Variants in SUGCT observed in about 807,000 individuals in gnomAD.
The protein encoded by SUGCT is succinyl-CoA:glutarate-CoA transferase.
In SUGCT, 41 loss-of-function variants were observed where a neutral mutation model predicts 55.0. The observed-to-expected ratio is 0.74, with a 90% CI of 0.58 to 0.97. The LOEUF is 0.97. Ranked by LOEUF, SUGCT falls within the 50% of genes least tolerant of loss-of-function variation. The pLI is 0.00. For synonymous variants in SUGCT, 187 were observed against 200.4 expected (o/e 0.93, Z 0.56); for missense variants, 568 against 547.8 (o/e 1.04, Z -0.37).
At chr7:40,821,354 C>T (rs373772514) in intron 13 of SUGCT, among the ~76,000 whole-genome samples, 39 of 152,180 alleles carry the variant, frequency 2.6e-4, no homozygotes, top group Admixed American at 2.0e-3. Flanking sequence ...AGCTCCTCCT[C>T]GTACCTCTGG....
At chr7:40,575,801 C>A (rs111624005) in intron 12 of SUGCT, among the ~76,000 whole-genome samples, 3,691 of 151,688 alleles carry the variant, frequency 0.024, 55 homozygotes, top group Non-Finnish European at 0.037. Context: ...CAGAATTAGC[C>A]GGGTGTGGTG....
the SUGCT span, among the ~76,000 whole-genome samples, chr7:40,919,821 A>G: frequency 6.6e-6 from 1 of 152,186 alleles, no homozygotes; most frequent in Non-Finnish European, 1.5e-5. Context: ...ACAAAGTCCT[A>G]CATGTTCAGA....
the SUGCT span, among the ~76,000 whole-genome samples, chr7:40,907,597 T>G: frequency 6.6e-6 from 1 of 152,186 alleles, no homozygotes; most frequent in Non-Finnish European, 1.5e-5. Flanking sequence ...TCTTCCCATT[T>G]CACAGCTGAA....
chr7:40,647,822 G>GA (rs761976770), intron 12 of SUGCT, among the ~76,000 whole-genome samples: 527 of 131,034 alleles, frequency 4.0e-3, no homozygotes, highest in Middle Eastern at 8.1e-3. Flanking sequence ...CTGCACTCCA[G>GA]AAAAAAAAAA....
intron 12 of SUGCT, among the ~76,000 whole-genome samples, chr7:40,670,151 A>T (rs1801859971): frequency 7.1e-6 from 1 of 141,430 alleles, no homozygotes; most frequent in African/African-American, 2.7e-5. Flanking sequence ...AGCCTGGGTG[A>T]CACAGGAGAC....
At chr7:40,154,340 G>C (rs1783777344) in intron 1 of SUGCT, among the ~76,000 whole-genome samples, 5 of 152,120 alleles carry the variant, frequency 3.3e-5, no homozygotes, top group African/African-American at 1.2e-4. Context: ...TAATGGGATT[G>C]AAAAAGTCTT....
At chr7:40,725,205 C>T (rs893232256) in intron 12 of SUGCT, among the ~76,000 whole-genome samples, 1 of 152,168 alleles carries the variant, frequency 6.6e-6, no homozygotes, top group Non-Finnish European at 1.5e-5. Flanking sequence ...ATCAGCATCA[C>T]CTGTAGTCTC....
chr7:40,353,613 A>G (rs1797745745), intron 9 of SUGCT, among the ~76,000 whole-genome samples: 2 of 152,290 alleles, frequency 1.3e-5, no homozygotes, highest in South Asian at 4.1e-4. Flanking sequence ...TGTGCTTTAC[A>G]TCTCATTTTA....
intron 12 of SUGCT, among the ~76,000 whole-genome samples, chr7:40,707,505 A>G (rs1461157054): frequency 6.6e-6 from 1 of 152,206 alleles, no homozygotes. Flanking sequence ...TCTGGGAAAC[A>G]AATCATGGAG....
intron 9 of SUGCT, among the ~76,000 whole-genome samples, chr7:40,442,970 G>A (rs972716289): frequency 6.6e-5 from 10 of 152,134 alleles, no homozygotes; most frequent in African/African-American, 2.4e-4. Flanking sequence ...AGAACATGCA[G>A]TGTTTGGTTT....
intron 7 of SUGCT, among the ~76,000 whole-genome samples, chr7:40,239,128 G>C (rs1294459894): frequency 6.6e-6 from 1 of 151,888 alleles, no homozygotes; most frequent in African/African-American, 2.4e-5. Flanking sequence ...TTTGAGACAG[G>C]GTCTCCAGGC....
chr7:40,392,490 G>A (rs962889437), intron 9 of SUGCT, among the ~76,000 whole-genome samples: 15 of 152,020 alleles, frequency 9.9e-5, no homozygotes, highest in Non-Finnish European at 1.9e-4. Context: ...CAGGTAGAGG[G>A]TTCGGAAAGC....
At position 40,181,939 on chromosome 7, in the gene SUGCT, A is replaced by G; in HGVS notation, c.153-16A>G. 1 of 1,475,966 alleles carries G rather than the reference A, an allele frequency of 6.8e-7. No individual in the cohort carries two copies. Among genetic ancestry groups the G allele is most frequent in the Non-Finnish European group, 9.3e-7 (1 of 1,080,890 alleles). The allele number at this position is 1,475,966 out of a possible 1,614,324, so 91.4% of individuals were successfully genotyped here. On this transcript the variant is annotated splice_polypyrimidine_tract_variant and intron_variant, in intron 2 of 13. Coordinates refer to ENST00000335693, the MANE Select transcript of SUGCT (RefSeq NM_001193313.2). ...CAAGATGGTAATTAATTTATTTATC[A>G]TTTTTAACATTGTAGAGTCCTGGCG...
chr7:41,025,218 G>T, the SUGCT span, among the ~76,000 whole-genome samples: 14 of 152,186 alleles, frequency 9.2e-5, no homozygotes, highest in Non-Finnish European at 1.9e-4. Context: ...TCCAATATAT[G>T]TGCAATAATT....
chr7:40,338,536 G>A (rs563746529), intron 9 of SUGCT, among the ~76,000 whole-genome samples: 33 of 152,204 alleles, frequency 2.2e-4, no homozygotes, highest in South Asian at 6.2e-4. Flanking sequence ...CCAGTGGATC[G>A]AATCGGCTGC....
At chr7:40,430,609 A>G (rs1448764814) in intron 9 of SUGCT, among the ~76,000 whole-genome samples, 1 of 152,116 alleles carries the variant, frequency 6.6e-6, no homozygotes, top group Non-Finnish European at 1.5e-5. Flanking sequence ...CCCAATCTCT[A>G]AGTTGCTGGT....
At chr7:40,980,649 A>AT in the SUGCT span, among the ~76,000 whole-genome samples, 1 of 58,220 alleles carries the variant, frequency 1.7e-5, no homozygotes, top group African/African-American at 7.2e-5. Flanking sequence ...TATTAGAAGG[A>AT]AAAAAGAGGT....
chr7:40,681,252 G>T (rs976867538), intron 12 of SUGCT, among the ~76,000 whole-genome samples: 1 of 152,120 alleles, frequency 6.6e-6, no homozygotes, highest in African/African-American at 2.4e-5. Flanking sequence ...TAATTAGAGG[G>T]TTGGAACTTT....
chr7:40,528,947 A>G (rs1793943011), intron 12 of SUGCT, among the ~76,000 whole-genome samples: 1 of 152,194 alleles, frequency 6.6e-6, no homozygotes. Context: ...TTGAGGTAGA[A>G]AAAAGGAGGA....
Sources: gnomAD v4.1 joint callset for allele counts (sites outside exome capture counted in the v4.1 genomes callset) on GRCh38, gnomAD v4.1.1 for gene constraint, MANE v1.5 for transcripts, NCBI Gene and HGNC (gene_info 2026-07-23, HGNC 2026-07-21) for gene names.